The following LRRTM4 variants were observed in gnomAD, a reference collection of about 807,000 sequenced individuals.
LRRTM4 encodes leucine-rich repeat transmembrane neuronal protein 4.
Under a neutral mutation model 47.6 loss-of-function variants are expected in LRRTM4, and 25 were observed. The observed-to-expected ratio is 0.53, with a 90% confidence interval of 0.38 to 0.73. The LOEUF is 0.73. LRRTM4 is among the 30% of genes least tolerant of loss of function. The pLI, the probability that LRRTM4 is intolerant of heterozygous loss-of-function variation, is 0.00. For missense variants in LRRTM4, 638 were observed against 713.4 expected, an observed-to-expected ratio of 0.89 and a Z score of 1.20; for synonymous variants, 311 against 269.5, an observed-to-expected ratio of 1.15 and a Z score of -1.51.
Position 76,748,784 on chromosome 2 carries a change from C to T in LRRTM4, c.1684G>A (p.Gly562Ser), listed in dbSNP as rs1398269259. The change falls in exon 4 of 4, where the codon GGC (glycine) becomes AGC (serine). Residue 562 changes from glycine to serine, a missense_variant. By Grantham distance (56) the Gly-to-Ser change is moderately conservative (BLOSUM62 0). Transcript: ENST00000409884. The stretch of plus-strand genomic sequence containing the variant: ...CTGTGGTCTCGGCCCAGCTCCAGGC[C>T]GGGGCTTTCGTCCTGCTCTGGAGAC... ...TVSPEQDESPGLELGRDHSFI... is the reference protein window; with the variant it reads ...TVSPEQDESPSLELGRDHSFI... The T allele has an allele frequency of 6.8e-6, 11 of 1,613,858 alleles. No homozygotes were observed. Among genetic ancestry groups the T allele is most frequent in the Admixed American group, 3.3e-5 (2 of 59,998 alleles).
intron 3 of LRRTM4, among the ~76,000 whole-genome samples, chr2:76,800,160 A>G (rs1675584475): frequency 1.3e-5 from 2 of 148,326 alleles, no homozygotes; most frequent in Admixed American, 1.3e-4. Context: ...TCCTAAGCCA[A>G]AAGAACAAAG....
chr2:77,220,894 A>G (rs1301122730), intron 3 of LRRTM4, among the ~76,000 whole-genome samples: 2 of 152,126 alleles, frequency 1.3e-5, no homozygotes, highest in East Asian at 1.9e-4. Context: ...ACTCCAAAAC[A>G]CCTAATTGTC....
intron 3 of LRRTM4, among the ~76,000 whole-genome samples, chr2:77,257,974 T>C (rs1410257980): frequency 6.6e-6 from 1 of 152,022 alleles, no homozygotes; most frequent in Non-Finnish European, 1.5e-5. Flanking sequence ...TGCATGCCTG[T>C]AATCTTAGCT....
chr2:76,904,143 T>A (rs571553264), intron 3 of LRRTM4, among the ~76,000 whole-genome samples: 101 of 152,326 alleles, frequency 6.6e-4, no homozygotes, highest in Non-Finnish European at 1.3e-3. Context: ...AAGCATAGTA[T>A]AATTGAGACT....
chr2:77,374,925 C>T (rs1177289691), intron 3 of LRRTM4, among the ~76,000 whole-genome samples: 1 of 151,612 alleles, frequency 6.6e-6, no homozygotes, highest in Non-Finnish European at 1.5e-5. Context: ...AGAACCTCCT[C>T]CAGAAATTAT....
intron 3 of LRRTM4, among the ~76,000 whole-genome samples, chr2:76,787,888 T>C (rs6743728): frequency 0.39 from 59,624 of 151,926 alleles, 12,157 homozygotes; most frequent in Admixed American, 0.51. Context: ...CTGAGCCAAT[T>C]AGAATATCTG....
At chr2:76,902,064 A>T (rs920498841) in intron 3 of LRRTM4, among the ~76,000 whole-genome samples, 11 of 152,226 alleles carry the variant, frequency 7.2e-5, no homozygotes, top group Non-Finnish European at 1.5e-5. Flanking sequence ...TAGATTTCTA[A>T]CTTCCTCTGG....
chr2:77,044,255 A>T (rs925818982), intron 3 of LRRTM4, among the ~76,000 whole-genome samples: 1 of 151,762 alleles, frequency 6.6e-6, no homozygotes, highest in Non-Finnish European at 1.5e-5. Context: ...ATACAATTTT[A>T]AAGGTAATAT....
intron 3 of LRRTM4, among the ~76,000 whole-genome samples, chr2:76,751,516 G>A (rs1477446844): frequency 6.6e-6 from 1 of 152,110 alleles, no homozygotes. Context: ...CTGACAGAGA[G>A]AGCTAGGAAC....
At chr2:77,521,579 C>A in intron 2 of LRRTM4, 89 bp downstream of exon 2, 1 of 1,492,820 alleles carries the variant, frequency 6.7e-7, no homozygotes, top group Non-Finnish European at 9.3e-7. Context: ...TGCCTGTTTC[C>A]CCGTCTTTTA....
intron 3 of LRRTM4, among the ~76,000 whole-genome samples, chr2:76,946,425 A>G (rs1675325639): frequency 1.3e-5 from 2 of 151,992 alleles, no homozygotes; most frequent in South Asian, 4.1e-4. Flanking sequence ...TATAATAAAT[A>G]TAAACATTAT....
intron 3 of LRRTM4, among the ~76,000 whole-genome samples, chr2:76,782,714 C>T (rs560160795): frequency 3.0e-4 from 46 of 152,148 alleles, no homozygotes; most frequent in African/African-American, 9.2e-4. Context: ...ATTTTCAAAT[C>T]GTCACAAATC....
Position 77,005,254 on chromosome 2 carries a change from C to T in LRRTM4, c.1552-256338G>A, listed in dbSNP as rs993041965. ...CTGCTGCCCTGGTTCAAGGGATTCG[C>T]CTGCCTCAGCCTCCTGAGTAGCTGG... On this transcript the variant is annotated intron_variant, in intron 3 of 3. Coordinates refer to ENST00000409884, the MANE Select transcript of LRRTM4 (RefSeq NM_001134745.3). Among the ~76,000 whole-genome samples the T allele has an allele frequency of 2.6e-5, 4 of 152,128 alleles. No homozygotes were observed. In the South Asian group the frequency reaches 6.2e-4, roughly 24 times the overall value.
chr2:77,345,754 G>A (rs1025015862), intron 3 of LRRTM4, among the ~76,000 whole-genome samples: 1 of 151,416 alleles, frequency 6.6e-6, no homozygotes, highest in African/African-American at 2.4e-5. Flanking sequence ...TTTTTTTAAA[G>A]TTAAATATAC....
chr2:77,318,275 G>A (rs1189509806), intron 3 of LRRTM4, among the ~76,000 whole-genome samples: 1 of 151,932 alleles, frequency 6.6e-6, no homozygotes, highest in Non-Finnish European at 1.5e-5. Context: ...CAAAGTGTTG[G>A]GATTACAGGC....
intron 3 of LRRTM4, among the ~76,000 whole-genome samples, chr2:77,388,620 C>T (rs1673380804): frequency 6.6e-6 from 1 of 151,950 alleles, no homozygotes; most frequent in Non-Finnish European, 1.5e-5. Context: ...TGTATCAAAT[C>T]ATTCATAGTC....
Position 76,826,457 on chromosome 2 carries a change from C to A in LRRTM4, c.1552-77541G>T, listed in dbSNP as rs190757336. Among the ~76,000 whole-genome samples, 5 of 151,498 alleles carry A rather than the reference C, an allele frequency of 3.3e-5. No homozygotes were observed. In the East Asian group the frequency reaches 9.7e-4, roughly 29 times the overall value. ...AAGCTTGACACTATTAAGGGCAACACTGAGGTACTCCCTAAGGATTTAAGG... is the reference window on the plus strand; with the variant it reads ...AAGCTTGACACTATTAAGGGCAACAATGAGGTACTCCCTAAGGATTTAAGG... On this transcript the variant is annotated intron_variant, in intron 3 of 3. Transcript: ENST00000409884.
At chr2:77,480,718 G>A (rs747881920) in intron 3 of LRRTM4, among the ~76,000 whole-genome samples, 3 of 151,316 alleles carry the variant, frequency 2.0e-5, no homozygotes, top group Middle Eastern at 3.4e-3. Flanking sequence ...ACCCTTATGA[G>A]TCATGCAGCA....
intron 3 of LRRTM4, among the ~76,000 whole-genome samples, chr2:76,975,235 G>C (rs970073716): frequency 2.6e-5 from 4 of 151,642 alleles, no homozygotes; most frequent in African/African-American, 9.7e-5. Flanking sequence ...ACTAGATAGT[G>C]CTCTGTTTTT....
Sources: allele counts gnomAD v4.1 joint callset (sites outside exome capture counted in the v4.1 genomes callset), GRCh38; gene constraint gnomAD v4.1.1; transcripts MANE v1.5; gene names NCBI Gene and HGNC (gene_info 2026-07-23, HGNC 2026-07-21).